Variants in CA8 observed in about 807,000 individuals in gnomAD.
The protein encoded by CA8 is carbonic anhydrase-related protein.
A neutral mutation model predicts 41.4 loss-of-function variants in CA8; 22 were observed. The ratio of observed to expected loss-of-function variants is 0.53; its 90% CI spans 0.38 to 0.76. The LOEUF is 0.76. Among genes scored for constraint, CA8 ranks in the 30% least tolerant of loss-of-function variants. The probability of loss-of-function intolerance (pLI) is 0.00; values close to 1 mark genes in which losing one functional copy is unlikely to be tolerated. For missense variants in CA8, 270 were observed against 352.8 expected, an observed-to-expected ratio of 0.77 and a Z score of 1.88; for synonymous variants, 121 against 130.6, an observed-to-expected ratio of 0.93 and a Z score of 0.50.
At position 60,281,140 on chromosome 8, in the gene CA8, T is replaced by G; in HGVS notation, c.8A>C (p.Asp3Ala). 1.3e-6 allele frequency: 2 copies of G among 1,569,548 alleles called. No homozygotes were observed. Among genetic ancestry groups the G allele is most frequent in the Non-Finnish European group, 1.7e-6 (2 of 1,159,036 alleles). ...GACGGTATCTTCGATGAAGCTCAGG[T>G]CCGCCATGGGAAGGCCGCGGGGCCC... MA[D>A]LSFIEDTVAF... Residue 3 changes from aspartate (D) to alanine (A), a missense_variant, in exon 1 of 9, where the codon GAC becomes GCC. Around this residue, in one of 3 missense-constraint regions of CA8, gnomAD observed 123 missense variants for 136.8 expected, o/e 0.90. Transcript: ENST00000317995.
intron 4 of CA8, among the ~76,000 whole-genome samples, chr8:60,230,512 C>T (rs1807606539): frequency 6.6e-6 from 1 of 151,974 alleles, no homozygotes; most frequent in South Asian, 2.1e-4. Flanking sequence ...TCTCCGACCT[C>T]CTCCCTCCAA....
At chr8:60,228,232 G>A (rs752924925) in intron 4 of CA8, among the ~76,000 whole-genome samples, 3 of 152,268 alleles carry the variant, frequency 2.0e-5, no homozygotes, top group South Asian at 2.1e-4. Flanking sequence ...AATTATTCCC[G>A]AGATAGGCTC....
chr8:60,225,387 T>C (rs1807396980), intron 5 of CA8, among the ~76,000 whole-genome samples: 1 of 152,204 alleles, frequency 6.6e-6, no homozygotes, highest in Non-Finnish European at 1.5e-5. Context: ...TTAAAGAATC[T>C]AGCTTACTTG....
chr8:60,220,312 C>T (rs553708914), intron 7 of CA8, among the ~76,000 whole-genome samples: 41 of 152,192 alleles, frequency 2.7e-4, no homozygotes, highest in African/African-American at 4.8e-4. Context: ...GAAGCCAAAA[C>T]TCAGCAACAG....
intron 2 of CA8, among the ~76,000 whole-genome samples, chr8:60,271,973 C>A (rs1804087516): frequency 1.3e-5 from 2 of 152,186 alleles, no homozygotes; most frequent in African/African-American, 4.8e-5. Flanking sequence ...TAATAAAATT[C>A]TCCATGCTCT....
At chr8:60,236,062 T>C (rs999823783) in intron 3 of CA8, among the ~76,000 whole-genome samples, 1 of 152,168 alleles carries the variant, frequency 6.6e-6, no homozygotes, top group Non-Finnish European at 1.5e-5. Context: ...TGGTGCCCAA[T>C]TGTTTGATCA....
intron 8 of CA8, among the ~76,000 whole-genome samples, chr8:60,201,360 G>GC (rs1806422845): frequency 6.6e-6 from 1 of 152,182 alleles, no homozygotes; most frequent in Non-Finnish European, 1.5e-5. Flanking sequence ...TACAGAGACA[G>GC]CCCCAAAGGC....
chr8:60,189,469 T>C lies in CA8; in HGVS notation c.*552A>G, dbSNP rs999767412. The C allele has an allele frequency of 5.5e-4, 84 of 152,278 alleles. No individual in the cohort carries two copies. The highest frequency in any genetic ancestry group is 2.0e-3 in the African/African-American group (84 of 41,574). 9.4% of individuals were successfully genotyped at this position (152,278 alleles called of 1,614,324 possible). A position where few individuals can be genotyped will look rare whatever the true frequency, so the allele number is the denominator to read the frequency against. On this transcript the variant is annotated 3_prime_UTR_variant, in exon 9 of 9. Coordinates refer to ENST00000317995, the MANE Select transcript of CA8 (RefSeq NM_004056.6). ...CCATGGCAATCCAGCCTAATATTAATTGTGGTATGGGTGCTGAAAAAATAA... is the reference window on the plus strand; with the variant it reads ...CCATGGCAATCCAGCCTAATATTAACTGTGGTATGGGTGCTGAAAAAATAA...
intron 3 of CA8, among the ~76,000 whole-genome samples, chr8:60,249,567 T>C (rs1375769811): frequency 6.6e-6 from 1 of 152,244 alleles, no homozygotes; most frequent in Non-Finnish European, 1.5e-5. Flanking sequence ...AGAAAAGTAA[T>C]ATTTCTTAAA....
chr8:60,247,359 T>A (rs929823360), intron 3 of CA8, among the ~76,000 whole-genome samples: 11 of 152,162 alleles, frequency 7.2e-5, no homozygotes, highest in Admixed American at 2.6e-4. Context: ...ATCTAGGTTT[T>A]AAGCCCCACA....
Position 60,269,468 on chromosome 8 carries a change from C to T in CA8, c.293-3419G>A, listed in dbSNP as rs182263971. Among the ~76,000 whole-genome samples the T allele has an allele frequency of 2.0e-5, 3 of 152,276 alleles. No homozygotes were observed. In the East Asian group the frequency reaches 5.8e-4, roughly 29 times the overall value. On this transcript the variant is annotated intron_variant, in intron 2 of 8. Transcript: ENST00000317995. ...AATATAAAATAAACTGATGCCATTGCCACAGCCTCCATTTTCTTTAATGCT... is the reference window on the plus strand; with the variant it reads ...AATATAAAATAAACTGATGCCATTGTCACAGCCTCCATTTTCTTTAATGCT...
At chr8:60,213,896 C>T (rs1278088758) in intron 7 of CA8, among the ~76,000 whole-genome samples, 1 of 151,998 alleles carries the variant, frequency 6.6e-6, no homozygotes, top group African/African-American at 2.4e-5. Context: ...CGGGTTATAG[C>T]GCTGATCTCA....
At chr8:60,222,377 G>A (rs1807280787) in intron 7 of CA8, among the ~76,000 whole-genome samples, 1 of 152,114 alleles carries the variant, frequency 6.6e-6, no homozygotes, top group Non-Finnish European at 1.5e-5. Context: ...TTCACATAAG[G>A]AAATAACTAG....
intron 8 of CA8, among the ~76,000 whole-genome samples, chr8:60,202,288 T>C (rs1219249420): frequency 6.6e-6 from 1 of 151,682 alleles, no homozygotes; most frequent in Non-Finnish European, 1.5e-5. Flanking sequence ...CCTGACCTCA[T>C]GATCCGCCTG....
At chr8:60,215,360 C>T (rs62511579) in intron 7 of CA8, among the ~76,000 whole-genome samples, 14 of 106,988 alleles carry the variant, frequency 1.3e-4, no homozygotes, top group South Asian at 3.8e-4. Flanking sequence ...TGTGTGTATA[C>T]ACACACACAC....
At chr8:60,268,977 A>G (rs562159388) in intron 2 of CA8, among the ~76,000 whole-genome samples, 34 of 152,348 alleles carry the variant, frequency 2.2e-4, no homozygotes, top group Middle Eastern at 3.4e-3. Flanking sequence ...GCTGTCAGCC[A>G]GGAACCAGGC....
chr8:60,195,891 G>C (rs575183131), intron 8 of CA8, among the ~76,000 whole-genome samples: 1 of 152,256 alleles, frequency 6.6e-6, no homozygotes, highest in South Asian at 2.1e-4. Flanking sequence ...GAAGAGGTCA[G>C]GAGTGTCAAA....
In CA8 at chr8:60,219,929, TAAAAAAA is replaced by T. The variant is rs546162939; in HGVS notation, c.738+2713_738+2719del. Among the ~76,000 whole-genome samples, 261 of 82,020 alleles carry T rather than the reference TAAAAAAA, an allele frequency of 3.2e-3. 2 individuals carry two copies. The highest frequency in any genetic ancestry group is 1.0e-2 in the African/African-American group (210 of 21,034). 53.8% of individuals were successfully genotyped at this position (82,020 alleles called of 152,430 possible). The stretch of plus-strand genomic sequence containing the variant: ...CTCTAGTATTTCCTAAATCTTAACT[TAAAAAAA>T]AAAAAAAAAAAAAAAAACACTTGAC... On this transcript the variant is annotated intron_variant, in intron 7 of 8. Transcript: ENST00000317995.
At chr8:60,229,649 C>T (rs528376760) in intron 4 of CA8, among the ~76,000 whole-genome samples, 9 of 152,266 alleles carry the variant, frequency 5.9e-5, no homozygotes, top group Admixed American at 1.3e-4. Flanking sequence ...ACTGCTGGTA[C>T]GTGCTCTCAT....
Sources: allele counts gnomAD v4.1 joint callset (sites outside exome capture counted in the v4.1 genomes callset), GRCh38; gene constraint gnomAD v4.1.1; regional missense constraint gnomAD v4.1.1; transcripts MANE v1.5; gene names NCBI Gene and HGNC (gene_info 2026-07-23, HGNC 2026-07-21).